Variants in ADAP1 observed in about 807,000 individuals in gnomAD.
ADAP1 encodes arf-GAP with dual PH domain-containing protein 1.
In ADAP1, 31 loss-of-function variants were observed where a neutral mutation model predicts 54.9. The ratio of observed to expected loss-of-function variants is 0.56; its 90% CI spans 0.42 to 0.76. The LOEUF (loss-of-function observed/expected upper bound fraction) is 0.76. Ranked by LOEUF, ADAP1 falls within the 30% of genes least tolerant of loss-of-function variation. The pLI is 0.00. For synonymous variants in ADAP1, 313 were observed against 202.6 expected (o/e 1.55, Z -4.63); for missense variants, 535 against 512.4 (o/e 1.04, Z -0.42).
chr7:925,573 C>A (rs1377035173), intron 3 of ADAP1, among the ~76,000 whole-genome samples: 1 of 152,172 alleles, frequency 6.6e-6, no homozygotes, highest in Non-Finnish European at 1.5e-5. Flanking sequence ...GGGCACAGAC[C>A]CCAAACAGGG....
chr7:926,416 G>C lies in ADAP1; in HGVS notation c.305+137C>G. 1 of 675,320 alleles carries C rather than the reference G, an allele frequency of 1.5e-6. No individual in the cohort carries two copies. The highest frequency in any genetic ancestry group is 2.3e-6 in the Non-Finnish European group (1 of 431,980). The allele number at this position is 675,320 out of a possible 1,614,324, so 41.8% of individuals were successfully genotyped here. Reference sequence around the variant, plus strand: ...AGACACAGGCGGCACCTCGGGGTCTGGGGGACGCAGCTGCGGCTGGCTTCT... The same window carrying C: ...AGACACAGGCGGCACCTCGGGGTCTCGGGGACGCAGCTGCGGCTGGCTTCT... On this transcript the variant is annotated intron_variant, in intron 3 of 10. Transcript: ENST00000265846. This position sits in a 1 kb window ranked among gnomAD's most constrained non-coding sequence, Gnocchi z 4.6.
chr7:908,851 G>A (rs955610208), intron 4 of ADAP1, among the ~76,000 whole-genome samples: 2 of 152,228 alleles, frequency 1.3e-5, no homozygotes, highest in African/African-American at 4.8e-5. Flanking sequence ...CAGACGACAA[G>A]TTTGGGCCAC....
intron 4 of ADAP1, among the ~76,000 whole-genome samples, chr7:911,308 C>T (rs936483622): frequency 5.9e-5 from 9 of 152,252 alleles, no homozygotes; most frequent in Admixed American, 3.3e-4. Flanking sequence ...GAGACCCCCC[C>T]ACTCACACAC....
At chr7:905,244 A>G (rs1171083480) in intron 4 of ADAP1, 72 bp from the exon 5 acceptor site, 24 of 1,070,520 alleles carry the variant, frequency 2.2e-5, no homozygotes, top group Non-Finnish European at 3.1e-5. Flanking sequence ...GACGATGGAC[A>G]GGACAGAGGG....
rs897953990 is a variant in ADAP1 at position 901,742 on chromosome 7, G to A, written c.649-1126C>T. 6.0e-5 allele frequency among the ~76,000 whole-genome samples: 8 copies of A among 134,166 alleles called. No individual in the cohort carries two copies. In the South Asian group the frequency reaches 2.1e-3, roughly 35 times the overall value. 88.0% of individuals were successfully genotyped at this position (134,166 alleles called of 152,430 possible). On this transcript the variant is annotated intron_variant, in intron 6 of 10. Coordinates refer to ENST00000265846, the MANE Select transcript of ADAP1 (RefSeq NM_006869.4). Reference sequence around the variant, plus strand: ...CACACCCACGCCACCCAACCAGCCCGAGGCCCCGCCTCCCCTCCTTCCCCC... The same window carrying A: ...CACACCCACGCCACCCAACCAGCCCAAGGCCCCGCCTCCCCTCCTTCCCCC...
At chr7:941,159 C>G (rs1189463759) in intron 1 of ADAP1, among the ~76,000 whole-genome samples, 1 of 151,968 alleles carries the variant, frequency 6.6e-6, no homozygotes, top group Non-Finnish European at 1.5e-5. Flanking sequence ...GGTAATTTCC[C>G]CAATTTGATA....
chr7:898,472 G>T lies in ADAP1; in HGVS notation c.*449C>A. 3 of 250,518 alleles carry T rather than the reference G, an allele frequency of 1.2e-5. No homozygotes were observed. Among genetic ancestry groups the T allele is most frequent in the Non-Finnish European group, 1.6e-5 (2 of 125,912 alleles). 15.5% of individuals were successfully genotyped at this position (250,518 alleles called of 1,614,324 possible). A position where few individuals can be genotyped will look rare whatever the true frequency, so the allele number is the denominator to read the frequency against. On this transcript the variant is annotated 3_prime_UTR_variant, in exon 11 of 11. Transcript: ENST00000265846. ...AGGCGCTCAATAAATAGTCGTGGAG[G>T]TGGGGGGAGGGCGGGGCGGCATGCG...
chr7:955,174 C>T (rs760372931), upstream of ADAP1: 16 of 865,746 alleles, frequency 1.8e-5, no homozygotes, highest in South Asian at 1.4e-4. Context: ...CCCACCCAGC[C>T]GCCCACCACC....
intron 2 of ADAP1, among the ~76,000 whole-genome samples, chr7:931,775 A>G (rs1455505810): frequency 4.1e-5 from 3 of 74,030 alleles, no homozygotes; most frequent in Non-Finnish European, 9.5e-5. Flanking sequence ...AGTAGGGAGA[A>G]AAAAAAAAAA....
At chr7:906,787 G>GGGACAGGGGACAT (rs751955287) in intron 4 of ADAP1, among the ~76,000 whole-genome samples, 605 of 27,998 alleles carry the variant, frequency 0.022, 43 homozygotes, top group African/African-American at 0.083. Flanking sequence ...GGGGACACGG[G>GGGACAGGGGACAT]GGACGGGACA....
chr7:905,859 G>GGAGAAAGGGAAA (rs1583131208), intron 4 of ADAP1, among the ~76,000 whole-genome samples: 1 of 50,886 alleles, frequency 2.0e-5, no homozygotes, highest in African/African-American at 5.6e-5. Context: ...GAAGGGAGAA[G>GGAGAAAGGGAAA]GGAGAAGGGA....
In ADAP1 at chr7:905,147, C is replaced by G; in HGVS notation, c.414G>C (p.Lys138Asn). 6.2e-7 allele frequency: 1 copy of G among 1,612,254 alleles called. No individual in the cohort carries two copies. Among genetic ancestry groups the G allele is most frequent in the Non-Finnish European group, 8.5e-7 (1 of 1,179,864 alleles). Residue 138 changes from lysine (K) to asparagine (N), a missense_variant, in exon 5 of 11, where the codon AAG becomes AAC. Physicochemically the swap from Lys to Asn is moderately conservative, Grantham distance 94 (BLOSUM62 0). Transcript: ENST00000265846. ...AAAACTGCCCGTTGTCCCGGCCACG[C>G]TTCCAGAGAAAACCCTCACGGTACC... ...SAGYREGFLW[K>N]RGRDNGQFLS...
chr7:899,519 C>A, intron 8 of ADAP1, 29 bp from the exon 9 acceptor site: 1 of 1,606,476 alleles, frequency 6.2e-7, no homozygotes. Context: ...CCGTGACCGG[C>A]AGGTCGCCGA....
intron 1 of ADAP1, among the ~76,000 whole-genome samples, chr7:939,486 G>A (rs556059187): frequency 1.3e-5 from 2 of 151,850 alleles, no homozygotes; most frequent in African/African-American, 4.8e-5. Context: ...ACAAAGTGCT[G>A]GGATTACAGG....
At chr7:930,478 C>G (rs6965786) in intron 2 of ADAP1, among the ~76,000 whole-genome samples, 1,477 of 135,324 alleles carry the variant, frequency 0.011, no homozygotes, top group African/African-American at 0.05. Context: ...GAGTTTGAGA[C>G]CAGCCTGGCC....
intron 4 of ADAP1, among the ~76,000 whole-genome samples, chr7:911,447 C>G (rs1029969553): frequency 2.0e-5 from 3 of 152,190 alleles, no homozygotes; most frequent in Admixed American, 6.5e-5. Flanking sequence ...CCCCCCTCCC[C>G]AAGCCCCAAA....
chr7:921,936 C>T (rs1284817019), intron 3 of ADAP1, among the ~76,000 whole-genome samples: 1 of 152,160 alleles, frequency 6.6e-6, no homozygotes, highest in African/African-American at 2.4e-5. Flanking sequence ...GCAGAATGGG[C>T]CCCCAAGGCT....
intron 4 of ADAP1, among the ~76,000 whole-genome samples, chr7:907,789 T>C (rs1390370322): frequency 1.3e-5 from 2 of 152,184 alleles, no homozygotes; most frequent in African/African-American, 4.8e-5. Context: ...TGGCAGCAGC[T>C]GCGTGGCCAG....
At position 946,360 on chromosome 7, in the gene ADAP1, G is replaced by C. The variant is rs7811597; in HGVS notation, c.82+8036C>G. 1.3e-5 allele frequency among the ~76,000 whole-genome samples: 2 copies of C among 151,362 alleles called. No individual in the cohort carries two copies. Among genetic ancestry groups the C allele is most frequent in the African/African-American group, 2.4e-5 (1 of 41,146 alleles). ...AGGCCCCAGGCCCCCACCCCCTCAC[G>C]CTCACGGGCGGCCCTGGTCCCATTC... On this transcript the variant is annotated intron_variant, in intron 1 of 10. Coordinates refer to ENST00000265846, the MANE Select transcript of ADAP1 (RefSeq NM_006869.4). This position sits in a 1 kb window ranked among gnomAD's most constrained non-coding sequence, Gnocchi z 4.3.
Sources: allele counts gnomAD v4.1 joint callset (sites outside exome capture counted in the v4.1 genomes callset), GRCh38; gene constraint gnomAD v4.1.1; non-coding constraint Gnocchi (gnomAD v3.1); transcripts MANE v1.5; gene names NCBI Gene and HGNC (gene_info 2026-07-23, HGNC 2026-07-21).